WDFY4: variants seen among roughly 807,000 people sequenced by gnomAD.
WDFY4 encodes the protein WD repeat- and FYVE domain-containing protein 4.
In WDFY4, 169 loss-of-function variants were observed where a neutral mutation model predicts 351.9. The ratio of observed to expected loss-of-function variants is 0.48; its 90% CI spans 0.42 to 0.55. WDFY4 has a LOEUF of 0.55. WDFY4 is among the 20% of genes least tolerant of loss of function. The pLI is 0.00. For synonymous variants in WDFY4, 1,622 were observed against 1,574.6 expected (o/e 1.03, Z -0.71); for missense variants, 3,803 against 3,935.6 (o/e 0.97, Z 0.90).
chr10:48,686,917 T>C (rs748524617), intron 1 of WDFY4, among the ~76,000 whole-genome samples: 2 of 152,204 alleles, frequency 1.3e-5, no homozygotes, highest in Non-Finnish European at 2.9e-5. Context: ...GTTGTACATA[T>C]CGTCAGCCTT....
At chr10:48,915,317 G>A (rs180850034) in intron 47 of WDFY4, among the ~76,000 whole-genome samples, 90 of 152,264 alleles carry the variant, frequency 5.9e-4, no homozygotes, top group Middle Eastern at 6.8e-3. Flanking sequence ...AGGCTCAGAA[G>A]TGAGGAAGGT....
chr10:48,781,452 A>G (rs1252997888), intron 19 of WDFY4, among the ~76,000 whole-genome samples: 4 of 152,038 alleles, frequency 2.6e-5, no homozygotes, highest in African/African-American at 9.7e-5. Context: ...GCCCACCACC[A>G]TGCCCACTAA....
chr10:48,722,787 A>G (rs770104396), intron 4 of WDFY4, among the ~76,000 whole-genome samples: 7 of 152,270 alleles, frequency 4.6e-5, no homozygotes, highest in Non-Finnish European at 1.0e-4. Context: ...AGCCCCAGGA[A>G]GAAAGACCCC....
intron 29 of WDFY4, 37 bp from the exon 30 acceptor site, chr10:48,811,502 T>C: frequency 6.5e-7 from 1 of 1,545,442 alleles, no homozygotes; most frequent in South Asian, 1.2e-5. Context: ...GCAGCTGTTC[T>C]CAGCTGACTT....
chr10:48,723,629 C>G (rs938629975), intron 5 of WDFY4, 62 bp downstream of exon 5: 1 of 1,539,152 alleles, frequency 6.5e-7, no homozygotes, highest in Non-Finnish European at 8.8e-7. Context: ...ACAGACTCTC[C>G]AATGCTTCCC....
chr10:48,750,612 C>T (rs1026705870), intron 12 of WDFY4, among the ~76,000 whole-genome samples: 2 of 152,254 alleles, frequency 1.3e-5, no homozygotes, highest in African/African-American at 4.8e-5. Flanking sequence ...CAGCACTGAT[C>T]ACAGTGCAAA....
rs7097397 is a variant in WDFY4 at position 48,817,351 on chromosome 10, G to A, written c.5447G>A (p.Arg1816Gln). The change falls in exon 32 of 62, where the codon CGA becomes CAA. Residue 1816 changes from arginine to glutamine, a missense_variant. Physicochemically the swap from Arg to Gln is conservative, Grantham distance 43 (BLOSUM62 1). Coordinates refer to ENST00000325239, the MANE Select transcript of WDFY4 (RefSeq NM_001394531.1). Reference sequence around the variant, plus strand: ...ACCTACCCCCAGGACCCAGCGTGGCGAGCCCCGGAGTTCCTCCAGACCTTG... The same window carrying A: ...ACCTACCCCCAGGACCCAGCGTGGCAAGCCCCGGAGTTCCTCCAGACCTTG... Reference protein sequence around the residue: ...HRTYPQDPAWRAPEFLQTLAI... With the variant: ...HRTYPQDPAWQAPEFLQTLAI... 570,670 of 1,551,420 alleles carry A rather than the reference G, an allele frequency of 0.37. 109,799 individuals are homozygous for A. Among genetic ancestry groups the A allele is most frequent in the East Asian group, 0.69 (28,063 of 40,898 alleles).
intron 47 of WDFY4, chr10:48,909,996 C>T: frequency 1.9e-6 from 1 of 530,322 alleles, no homozygotes; most frequent in Non-Finnish European, 3.4e-6. Flanking sequence ...AAATTTTTTT[C>T]TATATACATT....
At chr10:48,890,885 G>A (rs750060900) in intron 44 of WDFY4, among the ~76,000 whole-genome samples, 158 bp downstream of exon 44, 20 of 152,158 alleles carry the variant, frequency 1.3e-4, no homozygotes, top group Non-Finnish European at 2.5e-4. Context: ...GCAGGCATAG[G>A]CCATCCATGG....
intron 24 of WDFY4, chr10:48,801,496 G>A (rs2067087677): frequency 4.4e-6 from 2 of 456,584 alleles, no homozygotes; most frequent in South Asian, 3.1e-5. Context: ...GGCTCTTGGA[G>A]CCCTACAGAC....
intron 29 of WDFY4, among the ~76,000 whole-genome samples, chr10:48,810,947 G>A (rs903341491): frequency 9.2e-5 from 14 of 152,182 alleles, no homozygotes; most frequent in African/African-American, 3.4e-4. Context: ...AGACACTGGA[G>A]GCTGCCTTCC....
At chr10:48,917,927 C>T (rs2663056) in intron 47 of WDFY4, among the ~76,000 whole-genome samples, 30,934 of 152,124 alleles carry the variant, frequency 0.2, 3,506 homozygotes, top group Non-Finnish European at 0.26. Context: ...ATGTAGATGT[C>T]ATACATAAGA....
At chr10:48,849,127 A>C (rs757900230) in intron 39 of WDFY4, among the ~76,000 whole-genome samples, 3 of 152,206 alleles carry the variant, frequency 2.0e-5, no homozygotes, top group Non-Finnish European at 4.4e-5. Flanking sequence ...CATTAAAATC[A>C]AGCAGCATGA....
intron 53 of WDFY4, 62 bp downstream of exon 53, chr10:48,959,875 C>T (rs138546850): frequency 4.1e-4 from 595 of 1,454,750 alleles, no homozygotes; most frequent in Non-Finnish European, 5.1e-4. Flanking sequence ...CAAGTTCCAC[C>T]GAGGCTTTCT....
At chr10:48,715,639 T>A (rs1160648254) in intron 2 of WDFY4, among the ~76,000 whole-genome samples, 4 of 152,108 alleles carry the variant, frequency 2.6e-5, no homozygotes, top group Admixed American at 1.3e-4. Flanking sequence ...ATTTTTTTTA[T>A]TTTTTGAGAG....
At chr10:48,904,000 G>C (rs1002384053) in intron 47 of WDFY4, among the ~76,000 whole-genome samples, 6 of 152,218 alleles carry the variant, frequency 3.9e-5, no homozygotes, top group Admixed American at 2.0e-4. Flanking sequence ...AAGACATCCT[G>C]GAAGCCAGGT....
intron 1 of WDFY4, among the ~76,000 whole-genome samples, chr10:48,690,441 G>C (rs2063163416): frequency 6.6e-6 from 1 of 152,186 alleles, no homozygotes; most frequent in African/African-American, 2.4e-5. Flanking sequence ...ACCTTTGCCT[G>C]AGTTCTTGTC....
At chr10:48,713,501 C>T (rs2377626) in intron 2 of WDFY4, among the ~76,000 whole-genome samples, 33,214 of 152,170 alleles carry the variant, frequency 0.22, 4,932 homozygotes, top group East Asian at 0.64. Context: ...ACAGTGAATC[C>T]CAGCCCCACT....
At chr10:48,975,151 G>A in intron 58 of WDFY4, 110 bp downstream of exon 58, 2 of 1,419,410 alleles carry the variant, frequency 1.4e-6, no homozygotes, top group South Asian at 1.2e-5. Flanking sequence ...CCAGAATGCT[G>A]AGAGGGCCCC....
Sources: allele counts gnomAD v4.1 joint callset (sites outside exome capture counted in the v4.1 genomes callset), GRCh38; gene constraint gnomAD v4.1.1; transcripts MANE v1.5; gene names NCBI Gene and HGNC (gene_info 2026-07-23, HGNC 2026-07-21).